WNK1: variants seen among roughly 807,000 people sequenced by gnomAD.
WNK1 encodes WNK lysine deficient protein kinase 1.
WNK1 carries 38 observed loss-of-function variants against 222.8 expected under a neutral mutation model. The observed-to-expected ratio is 0.17, with a 90% confidence interval of 0.13 to 0.22. The LOEUF is 0.22. Among genes scored for constraint, WNK1 ranks in the 10% least tolerant of loss-of-function variants. The pLI, the probability that WNK1 is intolerant of heterozygous loss-of-function variation, is 1.00. For synonymous variants in WNK1, 1,090 were observed against 1,092.9 expected (o/e 1.00, Z 0.05); for missense variants, 2,348 against 2,918.4 (o/e 0.80, Z 4.50).
intron 4 of WNK1, among the ~76,000 whole-genome samples, chr12:834,222 A>G (rs1001743507): frequency 3.3e-5 from 5 of 152,226 alleles, no homozygotes; most frequent in Non-Finnish European, 1.5e-5. Flanking sequence ...GTCTTGGACA[A>G]ATCAATTTTT....
intron 26 of WNK1, 54 bp from the exon 27 acceptor site, chr12:907,793 C>G: frequency 6.2e-7 from 1 of 1,606,758 alleles, no homozygotes; most frequent in Non-Finnish European, 8.5e-7. Flanking sequence ...TTCCCTCTTC[C>G]TGAAATTGTA....
At position 780,480 on chromosome 12, in the gene WNK1, T is replaced by C. The variant is rs532121348; in HGVS notation, c.759+26156T>C. ...GTGTTGCATTCCTAAGTGTAGTGTGTTGCATGCACTACTGAGCATAATGGG... is the reference window on the plus strand; with the variant it reads ...GTGTTGCATTCCTAAGTGTAGTGTGCTGCATGCACTACTGAGCATAATGGG... On this transcript the variant is annotated intron_variant, in intron 1 of 27. Coordinates refer to ENST00000315939, the MANE Select transcript of WNK1 (RefSeq NM_018979.4). Among the ~76,000 whole-genome samples the C allele has an allele frequency of 1.1e-4, 16 of 152,320 alleles. No homozygotes were observed. The South Asian group carries it at 2.9e-3, about 28-fold the overall frequency.
intron 1 of WNK1, among the ~76,000 whole-genome samples, chr12:757,333 T>TTAA (rs1491212965): frequency 9.8e-5 from 7 of 71,492 alleles, no homozygotes; most frequent in African/African-American, 4.3e-4. Context: ...TTTTTTTTTT[T>TTAA]AAAAAAAAAA....
rs760921160 is a variant in WNK1 at position 897,706 on chromosome 12, C to T, written c.6448+25C>T. On this transcript the variant is annotated intron_variant, in intron 25 of 27. Coordinates refer to ENST00000315939, the MANE Select transcript of WNK1 (RefSeq NM_018979.4). ...GGTAAAAAGCCCTGGACTAGGTCAG[C>T]CACAGCTGTCCTATCTTTTGTTTCT... The T allele has an allele frequency of 6.2e-6, 10 of 1,606,008 alleles. No homozygotes were observed. The African/African-American group carries it at 1.2e-4, about 19-fold the overall frequency.
At chr12:849,277 G>A (rs1168450282) in intron 4 of WNK1, among the ~76,000 whole-genome samples, 2 of 152,130 alleles carry the variant, frequency 1.3e-5, no homozygotes, top group Non-Finnish European at 1.5e-5. Context: ...TGTACTGTTG[G>A]TAATTGAAGC....
chr12:780,593 T>C (rs1943596496), intron 1 of WNK1, among the ~76,000 whole-genome samples: 1 of 152,236 alleles, frequency 6.6e-6, no homozygotes, highest in Non-Finnish European at 1.5e-5. Flanking sequence ...ATTAATCTGG[T>C]AGAATAGTAT....
intron 8 of WNK1, among the ~76,000 whole-genome samples, chr12:869,487 C>T (rs1378904131): frequency 6.6e-6 from 1 of 151,972 alleles, no homozygotes; most frequent in Non-Finnish European, 1.5e-5. Context: ...TTCCTCCAAA[C>T]AAGTTTTTAA....
chr12:865,828 A>AAT (rs1951619944), intron 8 of WNK1, among the ~76,000 whole-genome samples: 1 of 152,152 alleles, frequency 6.6e-6, no homozygotes, highest in Middle Eastern at 3.2e-3. Flanking sequence ...GTCAGCAAAG[A>AAT]ATAACCTTGG....
chr12:905,526 G>A (rs1410923040), intron 26 of WNK1, among the ~76,000 whole-genome samples: 2 of 152,146 alleles, frequency 1.3e-5, no homozygotes, highest in Non-Finnish European at 1.5e-5. Context: ...TGAGCTTCTT[G>A]TATTTAGCTT....
At chr12:754,413 C>T (rs1398132233) in intron 1 of WNK1, 89 bp downstream of exon 1, 2 of 1,560,684 alleles carry the variant, frequency 1.3e-6, no homozygotes, top group African/African-American at 2.7e-5. Flanking sequence ...CTTCACTTGG[C>T]ATTCTCTGTT....
chr12:828,765 A>G (rs72648624), intron 3 of WNK1, among the ~76,000 whole-genome samples: 2 of 152,240 alleles, frequency 1.3e-5, no homozygotes, highest in African/African-American at 2.4e-5. Flanking sequence ...CTTTCACTCT[A>G]TGAAGAGGAT....
chr12:908,781 C>A lies in WNK1; in HGVS notation c.7138C>A (p.Arg2380=). 1 of 1,576,596 alleles carries A rather than the reference C, an allele frequency of 6.3e-7. No homozygotes were observed. Among genetic ancestry groups the A allele is most frequent in the Non-Finnish European group, 8.6e-7 (1 of 1,158,824 alleles). ...SISNPPGSNL[R]TT Reference sequence around the variant, plus strand: ...CAGCAACCCCCCAGGCTCCAACCTGCGGACCACTTAGACCTAGAGACATTA... The same window carrying A: ...CAGCAACCCCCCAGGCTCCAACCTGAGGACCACTTAGACCTAGAGACATTA... Residue 2380 remains arginine (R), a synonymous_variant, in exon 28 of 28, where the codon CGG becomes AGG. Transcript: ENST00000315939.
intron 1 of WNK1, among the ~76,000 whole-genome samples, chr12:798,285 G>A (rs995278780): frequency 8.6e-5 from 13 of 151,446 alleles, no homozygotes; most frequent in Non-Finnish European, 1.6e-4. Context: ...TCCGCCTCCC[G>A]GGTTCACGCC....
At chr12:824,883 T>C (rs1204091476) in intron 2 of WNK1, among the ~76,000 whole-genome samples, 1 of 152,234 alleles carries the variant, frequency 6.6e-6, no homozygotes, top group Non-Finnish European at 1.5e-5. Flanking sequence ...ATCACTTGCC[T>C]TACCATATTA....
intron 2 of WNK1, among the ~76,000 whole-genome samples, chr12:824,494 T>A (rs1443907120): frequency 6.6e-6 from 1 of 152,132 alleles, no homozygotes; most frequent in Non-Finnish European, 1.5e-5. Context: ...AAATGAAATG[T>A]GAATCATAAT....
Position 753,204 on chromosome 12 carries a change from G to C in WNK1, c.-362G>C, listed in dbSNP as rs1939456861. 9.9e-6 allele frequency: 2 copies of C among 202,970 alleles called. No homozygotes were observed. The highest frequency in any genetic ancestry group is 6.2e-5 in the Admixed American group (1 of 16,238). The allele number at this position is 202,970 out of a possible 1,614,324, so 12.6% of individuals were successfully genotyped here. A position where few individuals can be genotyped will look rare whatever the true frequency, so the allele number is the denominator to read the frequency against. On this transcript the variant is annotated 5_prime_UTR_variant, in exon 1 of 28. Transcript: ENST00000315939. The surrounding 1 kb of genome is among the most constrained non-coding windows in gnomAD (Gnocchi z 5.2). ...GCCGCATCCGCCTCGACTCGGTGCC[G>C]GCCCCTGGCCCTCCCCTCATGACTG... is the stretch of plus-strand genomic sequence containing the variant.
At position 908,956 on chromosome 12, in the gene WNK1, G is replaced by T; in HGVS notation, c.*164G>T. ...AATACTGCATTGAGCCCTCAGAATG[G>T]AGAGTCTCCCCCGCTCCAGTTATTG... On this transcript the variant is annotated 3_prime_UTR_variant, in exon 28 of 28. Transcript: ENST00000315939. 1.3e-6 allele frequency: 1 copy of T among 797,696 alleles called. No individual in the cohort carries two copies. Among genetic ancestry groups the T allele is most frequent in the South Asian group, 1.7e-5 (1 of 59,100 alleles). The allele number at this position is 797,696 out of a possible 1,614,324, so 49.4% of individuals were successfully genotyped here.
At chr12:811,933 G>C (rs1308944698) in intron 1 of WNK1, among the ~76,000 whole-genome samples, 1 of 152,158 alleles carries the variant, frequency 6.6e-6, no homozygotes, top group Non-Finnish European at 1.5e-5. Context: ...AAAGTAGCCT[G>C]TATTTATAGT....
chr12:902,614 A>C (rs950321343), intron 26 of WNK1, among the ~76,000 whole-genome samples: 5 of 152,188 alleles, frequency 3.3e-5, no homozygotes, highest in African/African-American at 1.2e-4. Flanking sequence ...TCCTTCTAAC[A>C]TGATTTCTGG....
Sources: allele counts gnomAD v4.1 joint callset (sites outside exome capture counted in the v4.1 genomes callset), GRCh38; gene constraint gnomAD v4.1.1; non-coding constraint Gnocchi (gnomAD v3.1); transcripts MANE v1.5; gene names NCBI Gene and HGNC (gene_info 2026-07-23, HGNC 2026-07-21).